The following ACSL6 variants were observed in gnomAD, a reference collection of about 807,000 sequenced individuals.
ACSL6 encodes the protein acyl-CoA synthetase long chain family member 6.
Under a neutral mutation model 98.2 loss-of-function variants are expected in ACSL6, and 47 were observed. That is an observed-to-expected ratio of 0.48 (90% CI 0.38 to 0.61). The LOEUF is 0.61. Ranked by LOEUF, ACSL6 falls within the 20% of genes least tolerant of loss-of-function variation. The pLI, the probability that ACSL6 is intolerant of heterozygous loss-of-function variation, is 0.00. For missense variants in ACSL6, 761 were observed against 913.4 expected, an observed-to-expected ratio of 0.83 and a Z score of 2.15; for synonymous variants, 362 against 336.9, an observed-to-expected ratio of 1.07 and a Z score of -0.82.
chr5:132,005,981 GC>G (rs1755387508), intron 1 of ACSL6, among the ~76,000 whole-genome samples: 1 of 152,148 alleles, frequency 6.6e-6, no homozygotes, highest in Non-Finnish European at 1.5e-5. Context: ...TATACCAGGG[GC>G]TGAGCACTAA....
chr5:131,985,723 C>T (rs2126879136), intron 8 of ACSL6, among the ~76,000 whole-genome samples: 1 of 152,368 alleles, frequency 6.6e-6, no homozygotes, highest in South Asian at 2.1e-4. Flanking sequence ...GTCCCACTGC[C>T]TCCCCTACTT....
intron 9 of ACSL6, 63 bp downstream of exon 9, chr5:131,985,344 C>T: frequency 6.2e-7 from 1 of 1,603,862 alleles, no homozygotes; most frequent in South Asian, 1.1e-5. Flanking sequence ...CAGCAGTCAC[C>T]TGCTAGGCCA....
At chr5:131,978,540 C>T (rs1024552067) in intron 9 of ACSL6, among the ~76,000 whole-genome samples, 1 of 152,154 alleles carries the variant, frequency 6.6e-6, no homozygotes, top group Non-Finnish European at 1.5e-5. Context: ...AGCCTGCAGC[C>T]AGCCCTCGCT....
intron 1 of ACSL6, among the ~76,000 whole-genome samples, chr5:132,003,340 A>G (rs1264440718): frequency 2.6e-5 from 4 of 152,204 alleles, no homozygotes; most frequent in African/African-American, 9.7e-5. Flanking sequence ...TCCGGCAGCA[A>G]GCGGTCAAGT....
At chr5:131,976,091 T>C (rs1267026044) in intron 10 of ACSL6, 2 of 985,336 alleles carry the variant, frequency 2.0e-6, no homozygotes, top group African/African-American at 3.5e-5. Flanking sequence ...ACTCACCACT[T>C]GTGGGAAAAG....
At chr5:131,990,065 G>T in intron 4 of ACSL6, 35 bp downstream of exon 4, 1 of 1,608,720 alleles carries the variant, frequency 6.2e-7, no homozygotes, top group Non-Finnish European at 8.5e-7. Flanking sequence ...GATCTGAATG[G>T]GTGGCCAGGG....
rs1393507899 is a variant in ACSL6, at chr5:131,951,628, C to T, written c.*2606G>A. ...TGAGACGGAGTCTCGTTCTGTTGCC[C>T]AGGCTGGAGTACAGTGGCGGGATCT... On this transcript the variant is annotated 3_prime_UTR_variant, in exon 21 of 21. Transcript: ENST00000651883. 5.6e-6 allele frequency: 1 copy of T among 177,124 alleles called. No homozygotes were observed. Among genetic ancestry groups the T allele is most frequent in the Non-Finnish European group, 1.2e-5 (1 of 82,510 alleles). 11.0% of individuals were successfully genotyped at this position (177,124 alleles called of 1,614,324 possible).
At chr5:131,958,208 C>T (rs1752518283) in intron 20 of ACSL6, among the ~76,000 whole-genome samples, 1 of 152,152 alleles carries the variant, frequency 6.6e-6, no homozygotes, top group Non-Finnish European at 1.5e-5. Context: ...CGCATCCAAA[C>T]ACAAGCAGGA....
rs757012220 is a variant in ACSL6 at position 131,971,541 on chromosome 5, T to C, written c.1434+9A>G. The C allele has an allele frequency of 3.8e-6, 6 of 1,594,324 alleles. No individual in the cohort carries two copies. Among genetic ancestry groups the C allele is most frequent in the East Asian group, 2.2e-5 (1 of 44,714 alleles). ...GCTGTTTCCAAGGGAGGACACACAA[T>C]GACAATACCTGGCACCCTAGAGCTG... On this transcript the variant is annotated intron_variant, in intron 14 of 20. Transcript: ENST00000651883.
At chr5:131,989,627 G>A (rs575991416) in intron 4 of ACSL6, 119 bp from the exon 5 acceptor site, 5 of 682,874 alleles carry the variant, frequency 7.3e-6, no homozygotes, top group Non-Finnish European at 8.9e-6. Context: ...ATGGAGTCTC[G>A]ATCTATCACC....
chr5:131,967,801 T>C (rs1024089285), intron 16 of ACSL6, 139 bp downstream of exon 16: 14 of 677,008 alleles, frequency 2.1e-5, no homozygotes, highest in Non-Finnish European at 3.5e-5. Context: ...AGATGCTGAG[T>C]TGAGCTGAGT....
At chr5:132,006,146 G>A (rs1054078209) in intron 1 of ACSL6, among the ~76,000 whole-genome samples, 3 of 152,228 alleles carry the variant, frequency 2.0e-5, no homozygotes, top group African/African-American at 7.2e-5. Context: ...TAGGTGCAGG[G>A]AGAGGAAGGG....
In ACSL6 at chr5:131,951,905, G is replaced by A. The variant is rs1284111116; in HGVS notation, c.*2329C>T. The A allele has an allele frequency of 5.9e-6, 1 of 170,434 alleles. No individual in the cohort carries two copies. The highest frequency in any genetic ancestry group is 1.3e-5 in the Non-Finnish European group (1 of 78,704). 10.6% of individuals were successfully genotyped at this position (170,434 alleles called of 1,614,324 possible). A position where few individuals can be genotyped will look rare whatever the true frequency, so the allele number is the denominator to read the frequency against. ...CCCAGCCAAAAAGAAGAAATATTAA[G>A]TTGTCCATAATCTGTTATATCTAAC... On this transcript the variant is annotated 3_prime_UTR_variant, in exon 21 of 21. Transcript: ENST00000651883.
chr5:131,966,535 A>G lies in ACSL6; in HGVS notation c.1597-3T>C, dbSNP rs1453956581. ...ACATTTGGTCCTCTCACACATATCT[A>G]TGGGACAAAAACCATGGCTTCTCTC... On this transcript the variant is annotated splice_polypyrimidine_tract_variant and splice_region_variant and intron_variant, in intron 16 of 20. Coordinates refer to ENST00000651883, the MANE Select transcript of ACSL6 (RefSeq NM_001009185.3). The G allele has an allele frequency of 3.1e-6, 5 of 1,613,326 alleles. No homozygotes were observed. Among genetic ancestry groups the G allele is most frequent in the Non-Finnish European group, 3.4e-6 (4 of 1,179,336 alleles).
intron 16 of ACSL6, among the ~76,000 whole-genome samples, chr5:131,967,045 A>T (rs1561780629): frequency 6.6e-6 from 1 of 152,130 alleles, no homozygotes; most frequent in Non-Finnish European, 1.5e-5. Context: ...GGAAAAAATG[A>T]ATTTTTACAA....
chr5:132,005,739 G>A (rs1755370725), intron 1 of ACSL6, among the ~76,000 whole-genome samples: 2 of 152,216 alleles, frequency 1.3e-5, no homozygotes, highest in African/African-American at 2.4e-5. Context: ...TGAGTTGGAG[G>A]GAAAAGCAGA....
chr5:132,005,235 A>G (rs1023622225), intron 1 of ACSL6, among the ~76,000 whole-genome samples: 5 of 152,246 alleles, frequency 3.3e-5, no homozygotes, highest in Admixed American at 6.5e-5. Context: ...TGGAAAGCAC[A>G]GTCACGATGA....
At chr5:131,977,853 C>G (rs966081055) in intron 9 of ACSL6, among the ~76,000 whole-genome samples, 4 of 152,020 alleles carry the variant, frequency 2.6e-5, no homozygotes, top group African/African-American at 9.7e-5. Flanking sequence ...AAATTTGCCT[C>G]AATGAGGGGG....
intron 16 of ACSL6, 67 bp downstream of exon 16, chr5:131,967,873 C>A: frequency 7.2e-7 from 1 of 1,395,716 alleles, no homozygotes; most frequent in Non-Finnish European, 1.0e-6. Context: ...CATTCCATCC[C>A]TACTGTTCTT....
Sources: allele counts gnomAD v4.1 joint callset (sites outside exome capture counted in the v4.1 genomes callset), GRCh38; gene constraint gnomAD v4.1.1; transcripts MANE v1.5; gene names NCBI Gene and HGNC (gene_info 2026-07-23, HGNC 2026-07-21).